Variants in PTPRD observed in about 807,000 individuals in gnomAD.
PTPRD encodes the protein receptor-type tyrosine-protein phosphatase delta.
Under a neutral mutation model 214.5 loss-of-function variants are expected in PTPRD, and 34 were observed. The ratio of observed to expected loss-of-function variants is 0.16; its 90% confidence interval spans 0.12 to 0.21. The LOEUF (loss-of-function observed/expected upper bound fraction) is 0.21, where lower values mean the gene tolerates loss of function less well. Among genes scored for constraint, PTPRD ranks in the 10% least tolerant of loss-of-function variants. PTPRD has a pLI of 1.00. For synonymous variants in PTPRD, 1,128 were observed against 845.7 expected (o/e 1.33, Z -5.79); for missense variants, 2,545 against 2,398.7 (o/e 1.06, Z -1.27).
chr9:8,564,252 T>C (rs576101323), intron 14 of PTPRD, among the ~76,000 whole-genome samples: 56 of 152,288 alleles, frequency 3.7e-4, no homozygotes, highest in African/African-American at 1.2e-3. Flanking sequence ...AGCTATGATG[T>C]TCAGTGGGTT....
chr9:9,574,870 G>T (rs1466167593), intron 7 of PTPRD, 89 bp from the exon 8 acceptor site: 1 of 152,064 alleles, frequency 6.6e-6, no homozygotes, highest in Non-Finnish European at 1.5e-5. Context: ...TTCAATATGA[G>T]AAATGTTATT....
chr9:8,494,137 T>C (rs1019099752), intron 26 of PTPRD, among the ~76,000 whole-genome samples: 6 of 152,220 alleles, frequency 3.9e-5, no homozygotes, highest in African/African-American at 1.4e-4. Flanking sequence ...GTCTTCCAAA[T>C]CTAAAGACAA....
chr9:8,630,077 G>C (rs1564834263), intron 14 of PTPRD, among the ~76,000 whole-genome samples: 1 of 151,802 alleles, frequency 6.6e-6, no homozygotes, highest in Non-Finnish European at 1.5e-5. Flanking sequence ...GCTTGTGTGA[G>C]ATAAATCAAT....
chr9:8,463,156 G>A (rs1313434667), intron 32 of PTPRD, among the ~76,000 whole-genome samples: 1 of 151,638 alleles, frequency 6.6e-6, no homozygotes, highest in Non-Finnish European at 1.5e-5. Context: ...TCAAGCAGGA[G>A]AACAGATGTT....
chr9:10,338,301 G>C (rs953528794), intron 3 of PTPRD, among the ~76,000 whole-genome samples: 4 of 151,544 alleles, frequency 2.6e-5, no homozygotes, highest in African/African-American at 9.7e-5. Context: ...TAACATTCTA[G>C]CAAGCAGAGG....
intron 11 of PTPRD, among the ~76,000 whole-genome samples, chr9:8,989,519 C>G (rs181839410): frequency 2.0e-5 from 3 of 151,980 alleles, no homozygotes; most frequent in Non-Finnish European, 2.9e-5. Flanking sequence ...CGTCAATGTT[C>G]CTGGAAATGA....
At chr9:8,394,409 A>C (rs996909587) in intron 36 of PTPRD, among the ~76,000 whole-genome samples, 2 of 152,148 alleles carry the variant, frequency 1.3e-5, no homozygotes, top group African/African-American at 4.8e-5. Context: ...ATTTTGCATC[A>C]CATTACACTG....
At chr9:10,297,220 C>T (rs934938428) in intron 3 of PTPRD, among the ~76,000 whole-genome samples, 5 of 151,110 alleles carry the variant, frequency 3.3e-5, no homozygotes, top group Middle Eastern at 3.5e-3. Context: ...TTGTGTGCTG[C>T]AACTGCATGA....
At chr9:8,967,400 G>T (rs2099203806) in intron 11 of PTPRD, among the ~76,000 whole-genome samples, 1 of 152,078 alleles carries the variant, frequency 6.6e-6, no homozygotes. Flanking sequence ...ATCCACAATG[G>T]CAAAAACATG....
chr9:8,589,393 A>G (rs959299924), intron 14 of PTPRD, among the ~76,000 whole-genome samples: 3 of 152,234 alleles, frequency 2.0e-5, no homozygotes. Flanking sequence ...ACTAAATCAT[A>G]AACAATTAAG....
intron 10 of PTPRD, among the ~76,000 whole-genome samples, chr9:9,062,128 C>T (rs1017523297): frequency 6.6e-6 from 1 of 152,144 alleles, no homozygotes. Context: ...TTCAAGTTTA[C>T]TTAGCAGCAT....
chr9:10,291,560 G>C (rs1203346217), intron 3 of PTPRD, among the ~76,000 whole-genome samples: 1 of 152,006 alleles, frequency 6.6e-6, no homozygotes, highest in Admixed American at 6.6e-5. Context: ...AGCAGAGAGA[G>C]AGACTTGAAG....
At chr9:10,596,729 GAAA>G (rs2076708279) in intron 2 of PTPRD, among the ~76,000 whole-genome samples, 1 of 151,518 alleles carries the variant, frequency 6.6e-6, no homozygotes, top group Non-Finnish European at 1.5e-5. Context: ...TTAAAGAGAA[GAAA>G]TTTACTTTGT....
chr9:9,673,219 T>A (rs890863121), intron 7 of PTPRD, among the ~76,000 whole-genome samples: 8 of 151,986 alleles, frequency 5.3e-5, no homozygotes, highest in African/African-American at 1.7e-4. Flanking sequence ...CAATTGTTTA[T>A]GTGTTGATTT....
intron 12 of PTPRD, among the ~76,000 whole-genome samples, chr9:8,691,669 C>G (rs2097804244): frequency 6.6e-6 from 1 of 152,146 alleles, no homozygotes; most frequent in Non-Finnish European, 1.5e-5. Flanking sequence ...AAAATAGTAA[C>G]CAGATTCCAA....
At chr9:10,446,417 C>CTTTTTTTTTTT (rs34478548) in intron 2 of PTPRD, among the ~76,000 whole-genome samples, 1,351 of 92,776 alleles carry the variant, frequency 0.015, 1 homozygote, top group Non-Finnish European at 0.017. Context: ...CTATTTTTTT[C>CTTTTTTTTTTT]TTTTTTTTTT....
At chr9:9,710,205 A>G (rs1357996673) in intron 7 of PTPRD, among the ~76,000 whole-genome samples, 2 of 152,090 alleles carry the variant, frequency 1.3e-5, no homozygotes. Context: ...AAGAGAGGGA[A>G]TTTACTCCAT....
intron 10 of PTPRD, among the ~76,000 whole-genome samples, chr9:9,162,642 T>A (rs1254695296): frequency 6.6e-6 from 1 of 152,040 alleles, no homozygotes; most frequent in Non-Finnish European, 1.5e-5. Flanking sequence ...AGGAATCTCA[T>A]TAGAATTTCA....
At chr9:9,196,990 A>G (rs772686089) in intron 9 of PTPRD, among the ~76,000 whole-genome samples, 1 of 152,112 alleles carries the variant, frequency 6.6e-6, no homozygotes, top group Non-Finnish European at 1.5e-5. Flanking sequence ...TCACTCCCTA[A>G]TCATGTCTGA....
Sources: allele counts gnomAD v4.1 joint callset (sites outside exome capture counted in the v4.1 genomes callset), GRCh38; gene constraint gnomAD v4.1.1; transcripts MANE v1.5; gene names NCBI Gene and HGNC (gene_info 2026-07-23, HGNC 2026-07-21).